MITD1: variants seen among roughly 807,000 people sequenced by gnomAD.
MITD1 encodes the protein microtubule interacting and trafficking domain containing 1, also known as MIT domain-containing protein 1.
MITD1 carries 24 observed loss-of-function variants against 34.9 expected under a neutral mutation model. That is an observed-to-expected ratio of 0.69 (90% CI 0.50 to 0.97). MITD1 has a LOEUF of 0.97. MITD1 is among the 50% of genes least tolerant of loss of function. The probability of loss-of-function intolerance (pLI) is 0.00; values close to 1 mark genes in which losing one functional copy is unlikely to be tolerated. For missense variants in MITD1, 266 were observed against 294.6 expected (o/e 0.90, Z 0.71); for synonymous variants, 102 against 101.4 (o/e 1.01, Z -0.04).
Position 99,180,977 on chromosome 2 carries a change from G to A in MITD1, c.5C>T (p.Ala2Val), listed in dbSNP as rs760637821. Residue 2 changes from alanine (A) to valine (V), a missense_variant, in exon 1 of 7, where the codon GCG (alanine) becomes GTG (valine). Coordinates refer to ENST00000289359, the MANE Select transcript of MITD1 (RefSeq NM_138798.3). ...CGGGTCCTGCCTCAGCCCGGACTTC[G>A]CCATAATTCTGGAAGTTCTCCTCCG... M[A>V]KSGLRQDPQS... 2 of 1,613,026 alleles carry A rather than the reference G, an allele frequency of 1.2e-6. No homozygotes were observed. Among genetic ancestry groups the A allele is most frequent in the Non-Finnish European group, 1.7e-6 (2 of 1,179,408 alleles).
chr2:99,162,509 T>G, intron 7 of MITD1: 1 of 1,614,162 alleles, frequency 6.2e-7, no homozygotes. Context: ...TATGTAGTAC[T>G]GATGGGACGT....
chr2:99,168,946 ATTTTTTTTTTTTTTTT>A (rs1175310553), downstream of MITD1, among the ~76,000 whole-genome samples: 3 of 49,310 alleles, frequency 6.1e-5, no homozygotes, highest in Non-Finnish European at 8.2e-5. Flanking sequence ...TGCCCGGCTA[ATTTTTTTTTTTTTTTT>A]TTTTTTTTTT....
chr2:99,168,260 G>GCC (rs1196728934), downstream of MITD1, among the ~76,000 whole-genome samples: 4 of 152,292 alleles, frequency 2.6e-5, no homozygotes, highest in African/African-American at 9.6e-5. Flanking sequence ...TCCTGCCTCA[G>GCC]CCTCCCAAGT....
In MITD1 at chr2:99,170,629, A is replaced by T. The variant is rs754259906; in HGVS notation, c.501T>A (p.Ser167Arg). 1.2e-6 allele frequency: 2 copies of T among 1,600,092 alleles called. No individual in the cohort carries two copies. The highest frequency in any genetic ancestry group is 2.7e-5 in the African/African-American group (2 of 74,668). ...ACTCTTCTATTTCTTGCAGGCCTCT[A>T]CTTTGCTGCACTTGCTCAATGCCCT... is the stretch of plus-strand genomic sequence containing the variant. ...LDEGIEQVQQSRGLQEIEESL... is the reference protein window; with the variant it reads ...LDEGIEQVQQRRGLQEIEESL... The change falls in exon 5 of 7, where the codon AGT becomes AGA. Residue 167 changes from serine to arginine, a missense_variant. Coordinates refer to ENST00000289359, the MANE Select transcript of MITD1 (RefSeq NM_138798.3).
At chr2:99,165,562 A>G (rs1337798236), downstream of MITD1, among the ~76,000 whole-genome samples, 1 of 152,196 alleles carries the variant, frequency 6.6e-6, no homozygotes, top group East Asian at 1.9e-4. Flanking sequence ...CCGCATATAA[A>G]TAGTATTTTA....
downstream of MITD1, among the ~76,000 whole-genome samples, chr2:99,166,497 A>AAC (rs1365045046): frequency 2.6e-5 from 4 of 151,350 alleles, no homozygotes; most frequent in East Asian, 1.9e-4. Context: ...AAAAAAAAAA[A>AAC]AAAAAACATA....
At chr2:99,169,953 G>A (rs1166917865) in intron 5 of MITD1, among the ~76,000 whole-genome samples, 1 of 152,196 alleles carries the variant, frequency 6.6e-6, no homozygotes, top group African/African-American at 2.4e-5. Context: ...TGTGCAGGAG[G>A]AGCCCTGGAC....
At chr2:99,163,389 G>A (rs2093811891) in intron 7 of MITD1, among the ~76,000 whole-genome samples, 1 of 151,906 alleles carries the variant, frequency 6.6e-6, no homozygotes, top group South Asian at 2.1e-4. Flanking sequence ...GTGCAGTGGT[G>A]CGATCTTGGC....
downstream of MITD1, chr2:99,161,880 A>G (rs2093795740): frequency 7.7e-7 from 1 of 1,307,060 alleles, no homozygotes; most frequent in Non-Finnish European, 1.0e-6. Context: ...TAAATAACCG[A>G]TAATTGATAG....
intron 1 of MITD1, among the ~76,000 whole-genome samples, chr2:99,177,493 T>C (rs936138109): frequency 8.5e-5 from 13 of 152,218 alleles, no homozygotes; most frequent in Admixed American, 8.5e-4. Context: ...ATGTATACAT[T>C]GTGTAATGAT....
downstream of MITD1, among the ~76,000 whole-genome samples, chr2:99,169,048 G>A (rs540420856): frequency 5.5e-4 from 74 of 133,670 alleles, no homozygotes; most frequent in South Asian, 1.2e-3. Context: ...TTTCCCTCCT[G>A]GACTTAAAAC....
At chr2:99,172,182 G>A (rs146252702) in intron 2 of MITD1, 1,634 of 152,616 alleles carry the variant, frequency 0.011, 9 homozygotes, top group Middle Eastern at 0.027. Flanking sequence ...GAGGTCAGGA[G>A]TTCGAGACCA....
chr2:99,173,232 G>A (rs1473282031), intron 2 of MITD1: 5 of 252,856 alleles, frequency 2.0e-5, no homozygotes, highest in Admixed American at 8.0e-5. Context: ...GGAAAGGGGT[G>A]TAGAAAGTAT....
intron 2 of MITD1, chr2:99,173,337 G>A (rs2093868859): frequency 2.7e-6 from 1 of 376,038 alleles, no homozygotes; most frequent in African/African-American, 2.1e-5. Flanking sequence ...TCAGGTAAGG[G>A]TGGAAATGGC....
chr2:99,179,544 A>T (rs116249731), intron 1 of MITD1, among the ~76,000 whole-genome samples: 76 of 152,246 alleles, frequency 5.0e-4, no homozygotes, highest in Non-Finnish European at 8.8e-4. Flanking sequence ...ATAATGCCCC[A>T]GGCAAGGTAG....
At chr2:99,162,108 A>T in exon 8 of MITD1, 3 of 1,614,116 alleles carry the variant, frequency 1.9e-6, no homozygotes, top group Non-Finnish European at 2.5e-6. Context: ...GGAAGACTGG[A>T]TCCATGACCA....
downstream of MITD1, among the ~76,000 whole-genome samples, chr2:99,167,033 C>A (rs1012782785): frequency 4.0e-5 from 6 of 151,546 alleles, no homozygotes; most frequent in African/African-American, 1.5e-4. Context: ...TGAGCTCTTT[C>A]TCCACTAACT....
intron 7 of MITD1, chr2:99,162,796 G>C: frequency 6.2e-7 from 1 of 1,614,138 alleles, no homozygotes. Context: ...CCAAAGTTTA[G>C]TATAAATACT....
At chr2:99,163,232 A>C in intron 7 of MITD1, 1 of 475,408 alleles carries the variant, frequency 2.1e-6, no homozygotes, top group Non-Finnish European at 3.6e-6. Context: ...ACTTCTCCCC[A>C]TCTGAAATTC....
Sources: allele counts gnomAD v4.1 joint callset (sites outside exome capture counted in the v4.1 genomes callset), GRCh38; gene constraint gnomAD v4.1.1; transcripts MANE v1.5; gene names NCBI Gene and HGNC (gene_info 2026-07-23, HGNC 2026-07-21).